The following GPR39 variants were observed in gnomAD, a reference collection of about 807,000 sequenced individuals.
The protein encoded by GPR39 is zinc sensing receptor.
GPR39 carries 23 observed loss-of-function variants against 18.4 expected under a neutral mutation model. That is an observed-to-expected ratio of 1.25 (90% CI 0.90 to 1.77). The LOEUF is 1.77. GPR39 is among the 40% of genes most tolerant of loss of function. The pLI, the probability that GPR39 is intolerant of heterozygous loss-of-function variation, is 0.00. For missense variants in GPR39, 647 were observed against 602.4 expected (o/e 1.07, Z -0.78); for synonymous variants, 280 against 257.9 (o/e 1.09, Z -0.82).
chr2:132,539,434 A>G (rs1020231532), intron 1 of GPR39, among the ~76,000 whole-genome samples: 1 of 151,982 alleles, frequency 6.6e-6, no homozygotes, highest in Non-Finnish European at 1.5e-5. Context: ...TGCAGAAATC[A>G]CCTGCCTTCT....
chr2:132,491,180 T>A (rs1414863510), intron 1 of GPR39, among the ~76,000 whole-genome samples: 2 of 152,286 alleles, frequency 1.3e-5, no homozygotes, highest in Non-Finnish European at 1.5e-5. Context: ...AGTATTGAAC[T>A]GGAACAATAT....
chr2:132,488,010 T>G (rs1681376166), intron 1 of GPR39, among the ~76,000 whole-genome samples: 1 of 152,158 alleles, frequency 6.6e-6, no homozygotes, highest in Non-Finnish European at 1.5e-5. Flanking sequence ...TGTAAAATAG[T>G]AAAAGAAAAA....
chr2:132,644,545 C>T (rs1439635936), intron 1 of GPR39, among the ~76,000 whole-genome samples: 1 of 152,188 alleles, frequency 6.6e-6, no homozygotes, highest in African/African-American at 2.4e-5. Context: ...TGGCGACAGG[C>T]TATTCCTGAC....
intron 1 of GPR39, among the ~76,000 whole-genome samples, chr2:132,467,991 G>A (rs1002172995): frequency 3.9e-5 from 6 of 152,146 alleles, no homozygotes; most frequent in Non-Finnish European, 8.8e-5. Context: ...TCTCCCTCAA[G>A]GGTCTTGTAA....
chr2:132,590,721 G>A (rs570743137), intron 1 of GPR39, among the ~76,000 whole-genome samples: 1 of 59,348 alleles, frequency 1.7e-5, no homozygotes, highest in East Asian at 3.0e-4. Context: ...CTGTCTTTCA[G>A]GGATGGACTC....
At chr2:132,450,155 C>T (rs1248964222) in intron 1 of GPR39, among the ~76,000 whole-genome samples, 1 of 152,182 alleles carries the variant, frequency 6.6e-6, no homozygotes, top group Non-Finnish European at 1.5e-5. Context: ...GACGTGGCAG[C>T]TTCTAGGGCT....
At chr2:132,480,911 T>G (rs1681221668) in intron 1 of GPR39, among the ~76,000 whole-genome samples, 1 of 152,204 alleles carries the variant, frequency 6.6e-6, no homozygotes, top group South Asian at 2.1e-4. Flanking sequence ...CCCTAACTTT[T>G]CAAATTAAGG....
intron 1 of GPR39, among the ~76,000 whole-genome samples, chr2:132,610,536 G>C (rs1681219722): frequency 6.6e-6 from 1 of 152,004 alleles, no homozygotes; most frequent in South Asian, 2.1e-4. Flanking sequence ...TAGCACTTTG[G>C]GAAGCCGAGG....
intron 1 of GPR39, among the ~76,000 whole-genome samples, chr2:132,509,414 C>G (rs1314515870): frequency 6.7e-6 from 1 of 148,574 alleles, no homozygotes; most frequent in African/African-American, 2.5e-5. Flanking sequence ...CCAATGCTAA[C>G]CTAATCTCAA....
chr2:132,510,274 A>G (rs13030799), intron 1 of GPR39, among the ~76,000 whole-genome samples: 83,991 of 151,928 alleles, frequency 0.55, 23,875 homozygotes, highest in Non-Finnish European at 0.62. Context: ...ACATGAAGTG[A>G]GCTTATTGTT....
At position 132,417,831 on chromosome 2, in the gene GPR39, T is replaced by C. The variant is rs751765671; in HGVS notation, c.789T>C (p.Pro263=). The C allele has an allele frequency of 3.7e-5, 60 of 1,613,378 alleles. No homozygotes were observed. The highest frequency in any genetic ancestry group is 6.7e-5 in the Admixed American group (4 of 59,990). ...GCTCGCTGGCCGGGGGCACGCGGCC[T>C]CCGCAGCTGAGGAAGTCCGAGAGCG... ...QKGSLAGGTR[P]PQLRKSESEE... Residue 263 remains proline (P), a synonymous_variant, in exon 1 of 2, where the codon CCT becomes CCC. Transcript: ENST00000329321.
At chr2:132,644,054 A>G (rs1188465616) in intron 1 of GPR39, among the ~76,000 whole-genome samples, 1 of 152,222 alleles carries the variant, frequency 6.6e-6, no homozygotes, top group African/African-American at 2.4e-5. Flanking sequence ...TTACGAAAAG[A>G]GAGAGCAAAT....
At chr2:132,557,482 C>A (rs1680173496) in intron 1 of GPR39, among the ~76,000 whole-genome samples, 1 of 152,086 alleles carries the variant, frequency 6.6e-6, no homozygotes, top group South Asian at 2.1e-4. Flanking sequence ...CTTCAGGTGC[C>A]TTAATGCCAG....
chr2:132,477,903 T>G (rs1407056495), intron 1 of GPR39, among the ~76,000 whole-genome samples: 2 of 152,226 alleles, frequency 1.3e-5, no homozygotes, highest in African/African-American at 4.8e-5. Context: ...GTGAACTTAG[T>G]CTTTGGAAAT....
At chr2:132,543,981 C>T (rs1679901101) in intron 1 of GPR39, among the ~76,000 whole-genome samples, 6 of 152,108 alleles carry the variant, frequency 3.9e-5, no homozygotes. Context: ...ATTGTTTTGG[C>T]CCATGGCATG....
chr2:132,422,882 G>T lies in GPR39; in HGVS notation c.856+4984G>T, dbSNP rs564703767. Among the ~76,000 whole-genome samples the T allele has an allele frequency of 3.0e-4, 45 of 152,078 alleles. 2 individuals are homozygous for T. Among genetic ancestry groups the T allele is most frequent in the African/African-American group, 1.1e-3 (44 of 41,420 alleles). ...TTGAAATCCCAGTCCCCATTTATTA[G>T]CAAGCCTGTTCATCTGTCAGCCTCC... On this transcript the variant is annotated intron_variant, in intron 1 of 1. Transcript: ENST00000329321.
intron 1 of GPR39, among the ~76,000 whole-genome samples, chr2:132,637,702 C>T (rs1681788829): frequency 6.6e-6 from 1 of 152,246 alleles, no homozygotes; most frequent in African/African-American, 2.4e-5. Context: ...TAGACCTTGT[C>T]AGAGGACATG....
intron 1 of GPR39, among the ~76,000 whole-genome samples, chr2:132,549,014 A>G (rs1389344384): frequency 1.3e-4 from 20 of 152,244 alleles, no homozygotes; most frequent in Non-Finnish European, 1.2e-4. Context: ...TTATATTATT[A>G]CCCTCAAATT....
intron 1 of GPR39, among the ~76,000 whole-genome samples, chr2:132,615,484 A>G (rs1681317831): frequency 6.6e-6 from 1 of 152,148 alleles, no homozygotes; most frequent in Non-Finnish European, 1.5e-5. Flanking sequence ...GCAGCTCCCA[A>G]CAGAGACTGT....
Sources: gnomAD v4.1 joint callset for allele counts (sites outside exome capture counted in the v4.1 genomes callset) on GRCh38, gnomAD v4.1.1 for gene constraint, MANE v1.5 for transcripts, NCBI Gene and HGNC (gene_info 2026-07-23, HGNC 2026-07-21) for gene names.